Variants in NGB observed in about 807,000 individuals in gnomAD.
NGB encodes nitrite reductase.
In NGB, 12 loss-of-function variants were observed where a neutral mutation model predicts 17.3. The observed-to-expected ratio is 0.69, with a 90% CI of 0.45 to 1.13. NGB has a LOEUF of 1.13. Among genes scored for constraint, NGB ranks in the 50% most tolerant of loss-of-function variants. The probability of loss-of-function intolerance (pLI) is 0.00; values close to 1 mark genes in which losing one functional copy is unlikely to be tolerated. For synonymous variants in NGB, 87 were observed against 81.0 expected, an observed-to-expected ratio of 1.07 and a Z score of -0.40; for missense variants, 195 against 191.7, an observed-to-expected ratio of 1.02 and a Z score of -0.10.
At position 77,266,404 on chromosome 14, in the gene NGB, C is replaced by T; in HGVS notation, c.*132G>A. 1 of 1,264,284 alleles carries T rather than the reference C, an allele frequency of 7.9e-7. No individual in the cohort carries two copies. Among genetic ancestry groups the T allele is most frequent in the Non-Finnish European group, 1.1e-6 (1 of 869,946 alleles). 78.3% of individuals were successfully genotyped at this position (1,264,284 alleles called of 1,614,324 possible). On this transcript the variant is annotated 3_prime_UTR_variant, in exon 4 of 4. Transcript: ENST00000298352. The stretch of plus-strand genomic sequence containing the variant: ...TCTAGGATACTGAGACCCAGCCCTG[C>T]CCCATCACCTCTCCAGTGTGGCCAA...
At position 77,270,851 on chromosome 14, in the gene NGB, G is replaced by T. The variant is rs1017311809; in HGVS notation, c.87C>A (p.Ala29=). 1.9e-6 allele frequency: 3 copies of T among 1,582,400 alleles called. No individual in the cohort carries two copies. In the African/African-American group the frequency reaches 4.1e-5, roughly 21 times the overall value. ...CCGGGCGCTCGTGTAGCCCTCACCT[G>T]GCAAACAGGACGGTGCCGTGCTCCA... is the stretch of plus-strand genomic sequence containing the variant. ...SPLEHGTVLF[A]RLFALEPDLL... is the part of the protein sequence containing the mutation. The change falls in exon 1 of 4, where the codon GCC becomes GCA. Residue 29 remains alanine, a splice_region_variant and synonymous_variant. Transcript: ENST00000298352.
At position 77,266,252 on chromosome 14, in the gene NGB, C is replaced by T. The variant is rs1333461497; in HGVS notation, c.*284G>A. 7.8e-6 allele frequency: 5 copies of T among 638,268 alleles called. No individual in the cohort carries two copies. Among genetic ancestry groups the T allele is most frequent in the Middle Eastern group, 2.8e-4 (1 of 3,518 alleles). The allele number at this position is 638,268 out of a possible 1,614,324, so 39.5% of individuals were successfully genotyped here. ...GCTCATCCCACCTCTGCCACCAAAA[C>T]ACTCATCGCGGGGTCAGAGGGAGTG... On this transcript the variant is annotated 3_prime_UTR_variant, in exon 4 of 4. Transcript: ENST00000298352.
rs956971572 is a variant in NGB at position 77,265,815 on chromosome 14, C to G, written c.*721G>C. 2.4e-5 allele frequency: 4 copies of G among 164,718 alleles called. No homozygotes were observed. Among genetic ancestry groups the G allele is most frequent in the African/African-American group, 9.5e-5 (4 of 41,906 alleles). The allele number at this position is 164,718 out of a possible 1,614,324, so 10.2% of individuals were successfully genotyped here. ...TCCTGGCCGGTCCCCAGCCCCTCCCCACCTGGCCAGCTAGCTGGGTTCCTG... is the reference window on the plus strand; with the variant it reads ...TCCTGGCCGGTCCCCAGCCCCTCCCGACCTGGCCAGCTAGCTGGGTTCCTG... On this transcript the variant is annotated 3_prime_UTR_variant, in exon 4 of 4. Coordinates refer to ENST00000298352, the MANE Select transcript of NGB (RefSeq NM_021257.4). This position sits in a 1 kb window ranked among gnomAD's most constrained non-coding sequence, Gnocchi z 4.7.
At chr14:77,267,452 G>C (rs965685800) in intron 3 of NGB, among the ~76,000 whole-genome samples, 1 of 152,052 alleles carries the variant, frequency 6.6e-6, no homozygotes, top group Non-Finnish European at 1.5e-5. Context: ...GAGGTGGGAG[G>C]ATCACTTGAG....
rs1292444806 is a variant in NGB, at chr14:77,271,113, C to T, written c.-176G>A. ...TCCCTGGCGCGGGAGAGAAAAGGCGCGCGGCCAGTCGTAGGTGGAGACACC... is the reference window on the plus strand; with the variant it reads ...TCCCTGGCGCGGGAGAGAAAAGGCGTGCGGCCAGTCGTAGGTGGAGACACC... On this transcript the variant is annotated 5_prime_UTR_variant, in exon 1 of 4. Coordinates refer to ENST00000298352, the MANE Select transcript of NGB (RefSeq NM_021257.4). 15 of 513,564 alleles carry T rather than the reference C, an allele frequency of 2.9e-5. No homozygotes were observed. The highest frequency in any genetic ancestry group is 6.7e-6 in the Non-Finnish European group (2 of 296,720). 31.8% of individuals were successfully genotyped at this position (513,564 alleles called of 1,614,324 possible). A position where few individuals can be genotyped will look rare whatever the true frequency, so the allele number is the denominator to read the frequency against.
chr14:77,268,539 G>A lies in NGB; in HGVS notation c.248C>T (p.Ser83Phe). Reference protein sequence around the residue: ...DAAVTNVEDLSSLEEYLASLG... With the variant: ...DAAVTNVEDLFSLEEYLASLG... ...GCTGGCAAGGTACTCCTCCAGTGAG[G>A]ACAGGTCTTCCACATTGGTCACTGC... The change falls in exon 3 of 4, where the codon TCC (serine) becomes TTC (phenylalanine). Residue 83 changes from serine to phenylalanine, a missense_variant. Ser to Phe is a radical substitution (Grantham distance 155). Coordinates refer to ENST00000298352, the MANE Select transcript of NGB (RefSeq NM_021257.4). The A allele has an allele frequency of 1.9e-6, 3 of 1,613,890 alleles. No individual in the cohort carries two copies. The highest frequency in any genetic ancestry group is 2.5e-6 in the Non-Finnish European group (3 of 1,180,004).
In NGB at chr14:77,266,103, ACTGGGCAGG is replaced by A; in HGVS notation, c.*424_*432del. 1 of 443,592 alleles carries A rather than the reference ACTGGGCAGG, an allele frequency of 2.3e-6. No homozygotes were observed. The highest frequency in any genetic ancestry group is 6.0e-5 in the East Asian group (1 of 16,558). 27.5% of individuals were successfully genotyped at this position (443,592 alleles called of 1,614,324 possible). ...CTTGGGGCAGGAAAGCAGTGAAGGGACTGGGCAGGCAGGACAGAAGGCGCTGGAAGCTCA... is the reference window on the plus strand; with the variant it reads ...CTTGGGGCAGGAAAGCAGTGAAGGGACAGGACAGAAGGCGCTGGAAGCTCA... On this transcript the variant is annotated 3_prime_UTR_variant, in exon 4 of 4. Coordinates refer to ENST00000298352, the MANE Select transcript of NGB (RefSeq NM_021257.4).
Position 77,266,603 on chromosome 14 carries a change from C to T in NGB, c.389G>A (p.Arg130Gln), listed in dbSNP as rs756125208. ...CCCGTAGAGTTGGCTCCAGGCAGCC[C>T]GTGTGGCTGGTGTGAAGGCAGGGCC... ...CLGPAFTPAT[R>Q]AAWSQLYGAV... Residue 130 changes from arginine (R) to glutamine (Q), a missense_variant, in exon 4 of 4, where the codon CGG becomes CAG. Transcript: ENST00000298352. 7 of 1,614,166 alleles carry T rather than the reference C, an allele frequency of 4.3e-6. No individual in the cohort carries two copies. Among genetic ancestry groups the T allele is most frequent in the African/African-American group, 2.7e-5 (2 of 75,064 alleles).
intron 2 of NGB, 99 bp downstream of exon 2, chr14:77,269,116 T>A: frequency 1.3e-6 from 1 of 762,880 alleles, no homozygotes; most frequent in Non-Finnish European, 2.2e-6. Context: ...TGGAAGGGAG[T>A]AAGACTAGAC....
At chr14:77,270,594 C>G (rs1027902834) in intron 1 of NGB, among the ~76,000 whole-genome samples, 1 of 152,220 alleles carries the variant, frequency 6.6e-6, no homozygotes, top group African/African-American at 2.4e-5. Context: ...GGGAGGGGAT[C>G]CCGCCCGGCC....
At position 77,270,997 on chromosome 14, in the gene NGB, C is replaced by A. The variant is rs28988618; in HGVS notation, c.-60G>T. ...CCTCAGGGCTCGGGTGCCGTCACCG[C>A]ACGTGCCGCGCCATCTCCTCCGCGA... is the stretch of plus-strand genomic sequence containing the variant. On this transcript the variant is annotated 5_prime_UTR_variant, in exon 1 of 4. Transcript: ENST00000298352. 3.1e-6 allele frequency: 4 copies of A among 1,294,604 alleles called. No homozygotes were observed. The East Asian group carries it at 8.8e-5, about 29-fold the overall frequency. The allele number at this position is 1,294,604 out of a possible 1,614,324, so 80.2% of individuals were successfully genotyped here. A position where few individuals can be genotyped will look rare whatever the true frequency, so the allele number is the denominator to read the frequency against.
chr14:77,267,769 G>A (rs1889694003), intron 3 of NGB, among the ~76,000 whole-genome samples: 1 of 152,154 alleles, frequency 6.6e-6, no homozygotes, highest in South Asian at 2.1e-4. Context: ...ACTGTGTGGT[G>A]TACTGTCATA....
intron 1 of NGB, among the ~76,000 whole-genome samples, chr14:77,269,687 T>C (rs1594876810): frequency 9.0e-4 from 1 of 1,112 alleles, no homozygotes; most frequent in Non-Finnish European, 2.5e-3. Context: ...TCTCTCTCTC[T>C]CTCTCTCTCT....
chr14:77,270,931 G>C lies in NGB; in HGVS notation c.7C>G (p.Arg3Gly), dbSNP rs1414222388. The C allele has an allele frequency of 6.4e-7, 1 of 1,550,916 alleles. No homozygotes were observed. Among genetic ancestry groups the C allele is most frequent in the Non-Finnish European group, 8.7e-7 (1 of 1,154,888 alleles). The change falls in exon 1 of 4, where the codon CGC becomes GGC. Residue 3 changes from arginine (R) to glycine (G), a missense_variant. Transcript: ENST00000298352. ME[R>G]PEPELIRQSW... ...TGCCGGATCAGCTCGGGCTCCGGGC[G>C]CTCCATGCTGTCCCGGGGACGCGGA...
chr14:77,270,154 A>G (rs1889751004), intron 1 of NGB, among the ~76,000 whole-genome samples: 1 of 152,050 alleles, frequency 6.6e-6, no homozygotes, highest in Non-Finnish European at 1.5e-5. Context: ...TGCCAAGGAT[A>G]GGTAACACCA....
rs781667936 is a variant in NGB at position 77,266,284 on chromosome 14, A to C, written c.*252T>G. 2.7e-6 allele frequency: 2 copies of C among 731,852 alleles called. No individual in the cohort carries two copies. Among genetic ancestry groups the C allele is most frequent in the Non-Finnish European group, 5.2e-6 (2 of 387,436 alleles). 45.3% of individuals were successfully genotyped at this position (731,852 alleles called of 1,614,324 possible). On this transcript the variant is annotated 3_prime_UTR_variant, in exon 4 of 4. Transcript: ENST00000298352. ...CGCGGGGTCAGAGGGAGTGCCAAAA[A>C]AGGTAAAAAGAAACGCAAGAAAGAG...
Position 77,266,438 on chromosome 14 carries a change from G to C in NGB, c.*98C>G, listed in dbSNP as rs1889670780. On this transcript the variant is annotated 3_prime_UTR_variant, in exon 4 of 4. Coordinates refer to ENST00000298352, the MANE Select transcript of NGB (RefSeq NM_021257.4). ...CTCTCCAGTGTGGCCAAGGGGACAA[G>C]GACCAAGATGCAGGGAAGCTTGGGG... 1 of 1,522,136 alleles carries C rather than the reference G, an allele frequency of 6.6e-7. No homozygotes were observed. Among genetic ancestry groups the C allele is most frequent in the Non-Finnish European group, 9.0e-7 (1 of 1,111,130 alleles). The allele number at this position is 1,522,136 out of a possible 1,614,324, so 94.3% of individuals were successfully genotyped here.
In NGB at chr14:77,268,569, T is replaced by C. The variant is rs1240696555; in HGVS notation, c.218A>G (p.Asp73Gly). ...GTCTTCCACATTGGTCACTGCAGCA[T>C]CAATCACGAGCATCACCTGCCAAGG... ...DHIRKVMLVI[D>G]AAVTNVEDLS... Residue 73 changes from aspartate to glycine, a missense_variant, in exon 3 of 4, where the codon GAT becomes GGT. Physicochemically the swap from Asp to Gly is moderately conservative, Grantham distance 94. Transcript: ENST00000298352. The C allele has an allele frequency of 6.2e-7, 1 of 1,613,656 alleles. No homozygotes were observed. The highest frequency in any genetic ancestry group is 8.5e-7 in the Non-Finnish European group (1 of 1,179,964).
chr14:77,269,932 G>A (rs1456804241), intron 1 of NGB, among the ~76,000 whole-genome samples: 1 of 148,416 alleles, frequency 6.7e-6, no homozygotes, highest in Non-Finnish European at 1.5e-5. Context: ...AGAAGCCCGG[G>A]GAGGCTAGAA....
Sources: allele counts gnomAD v4.1 joint callset (sites outside exome capture counted in the v4.1 genomes callset), GRCh38; gene constraint gnomAD v4.1.1; non-coding constraint Gnocchi (gnomAD v3.1); transcripts MANE v1.5; gene names NCBI Gene and HGNC (gene_info 2026-07-23, HGNC 2026-07-21).